Variants in DAP observed in about 807,000 individuals in gnomAD.
DAP encodes death associated protein, also known as death-associated protein 1.
A neutral mutation model predicts 13.8 loss-of-function variants in DAP; 8 were observed. The observed-to-expected ratio is 0.58, with a 90% confidence interval of 0.34 to 1.05. The LOEUF is 1.05. Among genes scored for constraint, DAP ranks in the 50% least tolerant of loss-of-function variants. The pLI is 0.03. For missense variants in DAP, 106 were observed against 133.2 expected (o/e 0.80, Z 1.01); for synonymous variants, 47 against 47.5 (o/e 0.99, Z 0.04).
intron 2 of DAP, among the ~76,000 whole-genome samples, chr5:10,730,000 G>C (rs1305185129): frequency 6.6e-6 from 1 of 152,214 alleles, no homozygotes; most frequent in Non-Finnish European, 1.5e-5. Flanking sequence ...TACCATTAAT[G>C]GTGGTTACGA....
intron 2 of DAP, among the ~76,000 whole-genome samples, chr5:10,732,117 T>G (rs139904666): frequency 1.4e-4 from 21 of 152,386 alleles, no homozygotes; most frequent in Non-Finnish European, 2.4e-4. Flanking sequence ...TTCTCAGTGA[T>G]GACAATGTGC....
chr5:10,703,438 G>A (rs1738628028), intron 2 of DAP, among the ~76,000 whole-genome samples: 1 of 152,120 alleles, frequency 6.6e-6, no homozygotes, highest in South Asian at 2.1e-4. Context: ...ATGTGGGCAG[G>A]TCTTTGCTGC....
At chr5:10,730,209 A>C (rs1739404200) in intron 2 of DAP, among the ~76,000 whole-genome samples, 2 of 152,312 alleles carry the variant, frequency 1.3e-5, no homozygotes, top group South Asian at 4.1e-4. Context: ...TTGCTCACTA[A>C]TGTGTCCCCA....
chr5:10,760,936 GGAGCCCCCGCCCGGCGCCCCCGGGTTC>G, intron 1 of DAP, 51 bp downstream of exon 1: 1 of 958,614 alleles, frequency 1.0e-6, no homozygotes, highest in Non-Finnish European at 1.3e-6. Flanking sequence ...CCCTCCCCGC[GGAGCCCCCGCCCGGCGCCCCCGGGTTC>G]GAGCCCGCCC....
intron 2 of DAP, among the ~76,000 whole-genome samples, chr5:10,725,450 C>T (rs569818986): frequency 6.6e-6 from 1 of 152,316 alleles, no homozygotes; most frequent in East Asian, 1.9e-4. Flanking sequence ...CTCACCAGGG[C>T]AGCTGCTGAC....
chr5:10,741,885 T>C (rs1397012930), intron 2 of DAP, among the ~76,000 whole-genome samples: 1 of 152,256 alleles, frequency 6.6e-6, no homozygotes, highest in Non-Finnish European at 1.5e-5. Context: ...TTTCATACTG[T>C]ACACAATGTG....
intron 2 of DAP, among the ~76,000 whole-genome samples, chr5:10,706,298 C>T (rs771505415): frequency 3.9e-5 from 6 of 152,116 alleles, no homozygotes; most frequent in Non-Finnish European, 7.3e-5. Context: ...GTACTGGAGA[C>T]ACATTAACTC....
intron 2 of DAP, among the ~76,000 whole-genome samples, chr5:10,715,269 G>A (rs1026338009): frequency 6.6e-6 from 1 of 152,212 alleles, no homozygotes; most frequent in Non-Finnish European, 1.5e-5. Context: ...GGATGCTGCT[G>A]TACTTGCACT....
At chr5:10,725,660 C>T (rs530016824) in intron 2 of DAP, among the ~76,000 whole-genome samples, 40 of 152,362 alleles carry the variant, frequency 2.6e-4, no homozygotes, top group Non-Finnish European at 4.6e-4. Context: ...AAAGATGTCT[C>T]TCAACTTAAA....
intron 2 of DAP, among the ~76,000 whole-genome samples, chr5:10,742,387 C>T (rs1057095998): frequency 2.6e-5 from 4 of 152,026 alleles, no homozygotes; most frequent in Non-Finnish European, 4.4e-5. Context: ...ATTAGCCAGA[C>T]GTGGTGGCAG....
intron 2 of DAP, among the ~76,000 whole-genome samples, chr5:10,689,672 A>G (rs1218188742): frequency 6.6e-6 from 1 of 152,174 alleles, no homozygotes; most frequent in Non-Finnish European, 1.5e-5. Flanking sequence ...TGTGGCGATG[A>G]GCCAGGGACT....
At position 10,761,192 on chromosome 5, in the gene DAP, G is replaced by T. The variant is rs1388241594; in HGVS notation, c.-124C>A. ...GGGCGGGAGAACGACGCGCGCGCGT[G>T]GGGCGCCGGGGCCGCGCGAGCCGGG... On this transcript the variant is annotated 5_prime_UTR_variant, in exon 1 of 4. Coordinates refer to ENST00000230895, the MANE Select transcript of DAP (RefSeq NM_004394.3). The T allele has an allele frequency of 5.2e-6, 2 of 382,818 alleles. No individual in the cohort carries two copies. The highest frequency in any genetic ancestry group is 2.2e-5 in the African/African-American group (1 of 45,698). The allele number at this position is 382,818 out of a possible 1,614,324, so 23.7% of individuals were successfully genotyped here.
chr5:10,739,254 G>C (rs1739695296), intron 2 of DAP, among the ~76,000 whole-genome samples: 1 of 146,624 alleles, frequency 6.8e-6, no homozygotes, highest in Non-Finnish European at 1.5e-5. Flanking sequence ...GGAGCAGCAA[G>C]TGTGGTGAAA....
At chr5:10,756,251 TGGGA>T in intron 1 of DAP, among the ~76,000 whole-genome samples, 1 of 140,684 alleles carries the variant, frequency 7.1e-6, no homozygotes, top group Admixed American at 7.0e-5. Flanking sequence ...CTTGGCATGT[TGGGA>T]ACAAGGGCAG....
chr5:10,685,707 T>C (rs1029474083), intron 2 of DAP, among the ~76,000 whole-genome samples: 6 of 152,100 alleles, frequency 3.9e-5, no homozygotes, highest in African/African-American at 1.4e-4. Context: ...TGTCTCCATG[T>C]CCTATTTGTT....
chr5:10,731,229 GT>G (rs1739450764), intron 2 of DAP, among the ~76,000 whole-genome samples: 1 of 139,792 alleles, frequency 7.2e-6, no homozygotes, highest in Admixed American at 7.2e-5. Context: ...GAGAGCCCTA[GT>G]GGGGGGGAAT....
chr5:10,753,278 C>T (rs1193307626), intron 1 of DAP, among the ~76,000 whole-genome samples: 1 of 152,254 alleles, frequency 6.6e-6, no homozygotes, highest in Non-Finnish European at 1.5e-5. Flanking sequence ...GCACAGCTGG[C>T]AAGCGGCAAA....
rs1423149952 is a variant in DAP, at chr5:10,680,908, G to A, written c.*148C>T. 4 of 1,537,484 alleles carry A rather than the reference G, an allele frequency of 2.6e-6. No individual in the cohort carries two copies. Among genetic ancestry groups the A allele is most frequent in the Non-Finnish European group, 2.6e-6 (3 of 1,146,978 alleles). On this transcript the variant is annotated 3_prime_UTR_variant, in exon 4 of 4. Transcript: ENST00000230895. ...TGGAGCTGTTTCTAGTTTTAAATAT[G>A]GAAATGTAAGGCAAAGGACAGAGCA...
At chr5:10,688,867 C>G (rs1288263985) in intron 2 of DAP, among the ~76,000 whole-genome samples, 1 of 151,884 alleles carries the variant, frequency 6.6e-6, no homozygotes, top group Non-Finnish European at 1.5e-5. Flanking sequence ...GTGTTCCTGA[C>G]AGGCTCCTTG....
Sources: gnomAD v4.1 joint callset for allele counts (sites outside exome capture counted in the v4.1 genomes callset) on GRCh38, gnomAD v4.1.1 for gene constraint, MANE v1.5 for transcripts, NCBI Gene and HGNC (gene_info 2026-07-23, HGNC 2026-07-21) for gene names.